The following CNGB3 variants were observed in gnomAD, a reference collection of about 807,000 sequenced individuals.
CNGB3 encodes cyclic nucleotide-gated channel beta-3.
Under a neutral mutation model 92.8 loss-of-function variants are expected in CNGB3, and 86 were observed. The ratio of observed to expected loss-of-function variants is 0.93; its 90% CI spans 0.78 to 1.11. The LOEUF is 1.11. Among genes scored for constraint, CNGB3 ranks in the 50% least tolerant of loss-of-function variants. CNGB3 has a pLI of 0.00. For synonymous variants in CNGB3, 333 were observed against 332.7 expected (o/e 1.00, Z -0.01); for missense variants, 1,026 against 956.8 (o/e 1.07, Z -0.95).
chr8:86,664,185 G>T (rs1051244772), intron 6 of CNGB3, among the ~76,000 whole-genome samples: 1 of 152,180 alleles, frequency 6.6e-6, no homozygotes, highest in African/African-American at 2.4e-5. Context: ...TTTGGCTTTT[G>T]CCTTTAGTAT....
At chr8:86,629,668 A>G (rs909171889) in intron 11 of CNGB3, among the ~76,000 whole-genome samples, 7 of 152,136 alleles carry the variant, frequency 4.6e-5, no homozygotes, top group African/African-American at 1.4e-4. Flanking sequence ...ATCAAATCTC[A>G]TCATGCTTAA....
intron 4 of CNGB3, among the ~76,000 whole-genome samples, chr8:86,670,161 T>TACAC (rs1227868117): frequency 6.6e-6 from 1 of 152,202 alleles, no homozygotes; most frequent in African/African-American, 2.4e-5. Context: ...TAATTTTTCA[T>TACAC]ACACACATTT....
At chr8:86,646,186 T>G (rs146014872) in intron 8 of CNGB3, among the ~76,000 whole-genome samples, 1 of 151,178 alleles carries the variant, frequency 6.6e-6, no homozygotes, top group Non-Finnish European at 1.5e-5. Context: ...GAAATTTCCA[T>G]GTGAGACTGA....
intron 6 of CNGB3, among the ~76,000 whole-genome samples, chr8:86,664,849 T>G (rs1486134188): frequency 2.0e-5 from 3 of 152,096 alleles, no homozygotes; most frequent in Non-Finnish European, 4.4e-5. Flanking sequence ...TGTGGCTACC[T>G]CTCTGTGGTT....
At chr8:86,693,318 A>G (rs1231794429) in intron 3 of CNGB3, among the ~76,000 whole-genome samples, 1 of 152,000 alleles carries the variant, frequency 6.6e-6, no homozygotes, top group Non-Finnish European at 1.5e-5. Flanking sequence ...TCCCTCATAT[A>G]AGTTTTCCAA....
chr8:86,726,379 C>A (rs1825060814), intron 3 of CNGB3, 152 bp downstream of exon 3: 12 of 1,087,568 alleles, frequency 1.1e-5, no homozygotes, highest in Admixed American at 1.7e-5. Context: ...CAGAACCAAC[C>A]TTTTAGTTCT....
chr8:86,661,259 A>G (rs994291330), intron 6 of CNGB3: 1 of 338,580 alleles, frequency 3.0e-6, no homozygotes, highest in African/African-American at 2.2e-5. Flanking sequence ...GCAAAAGACT[A>G]TCAGGGTCGA....
chr8:86,661,989 C>T (rs146698672), intron 6 of CNGB3: 12,314 of 447,898 alleles, frequency 0.027, 216 homozygotes, highest in Non-Finnish European at 0.04. Flanking sequence ...GTGTCTTGTC[C>T]ACAGGAGATT....
At chr8:86,734,144 C>G (rs1825206311) in intron 2 of CNGB3, among the ~76,000 whole-genome samples, 1 of 152,154 alleles carries the variant, frequency 6.6e-6, no homozygotes, top group Non-Finnish European at 1.5e-5. Flanking sequence ...AGGCATGAAC[C>G]ACCGTGCCTG....
chr8:86,667,278 G>A lies in CNGB3; in HGVS notation c.644-145C>T, dbSNP rs1823762261. The A allele has an allele frequency of 4.2e-6, 3 of 718,546 alleles. No individual in the cohort carries two copies. In the African/African-American group the frequency reaches 5.2e-5, roughly 13 times the overall value. The allele number at this position is 718,546 out of a possible 1,614,324, so 44.5% of individuals were successfully genotyped here. A position where few individuals can be genotyped will look rare whatever the true frequency, so the allele number is the denominator to read the frequency against. ...TCTATTAAACATTCAACACCATTCT[G>A]CCTCTGGACTGTGAGGCTCCGGGCT... On this transcript the variant is annotated intron_variant, in intron 5 of 17. Coordinates refer to ENST00000320005, the MANE Select transcript of CNGB3 (RefSeq NM_019098.5).
At chr8:86,645,388 C>T (rs1049426662) in intron 8 of CNGB3, among the ~76,000 whole-genome samples, 1 of 151,148 alleles carries the variant, frequency 6.6e-6, no homozygotes, top group Non-Finnish European at 1.5e-5. Flanking sequence ...AGCAAAATGC[C>T]AGTTCTATCT....
intron 3 of CNGB3, among the ~76,000 whole-genome samples, chr8:86,720,239 A>C (rs1031386123): frequency 6.6e-6 from 1 of 152,190 alleles, no homozygotes; most frequent in African/African-American, 2.4e-5. Flanking sequence ...AATCTTCACA[A>C]TCTATATATC....
chr8:86,717,600 T>C (rs1345922963), intron 3 of CNGB3, among the ~76,000 whole-genome samples: 2 of 149,956 alleles, frequency 1.3e-5, no homozygotes, highest in African/African-American at 4.9e-5. Flanking sequence ...TTTAATACTC[T>C]ACTGACAGAA....
chr8:86,614,507 G>A (rs558507633), intron 13 of CNGB3, among the ~76,000 whole-genome samples: 11 of 152,178 alleles, frequency 7.2e-5, no homozygotes, highest in African/African-American at 1.7e-4. Context: ...CCTGTGAGGC[G>A]TGCTGCCCTT....
intron 7 of CNGB3, among the ~76,000 whole-genome samples, chr8:86,652,420 A>C (rs12155947): frequency 0.9 from 136,455 of 151,938 alleles, 61,547 homozygotes; most frequent in East Asian, 1. Flanking sequence ...AATAAAGTAA[A>C]CCTAGCTCAC....
chr8:86,742,256 C>A (rs1825356039), intron 1 of CNGB3, among the ~76,000 whole-genome samples: 1 of 152,202 alleles, frequency 6.6e-6, no homozygotes, highest in Admixed American at 6.5e-5. Flanking sequence ...CACAGCAAGA[C>A]TAGCTGAAGG....
chr8:86,646,833 G>C (rs1823298404), intron 8 of CNGB3, among the ~76,000 whole-genome samples: 1 of 151,090 alleles, frequency 6.6e-6, no homozygotes, highest in African/African-American at 2.4e-5. Context: ...ATCAAATGAA[G>C]CTATGAGTTA....
intron 15 of CNGB3, chr8:86,593,763 C>A: frequency 7.7e-7 from 1 of 1,296,276 alleles, no homozygotes; most frequent in Non-Finnish European, 1.1e-6. Context: ...CTCAGGATGC[C>A]AGGGCAGTAC....
chr8:86,631,394 A>C (rs1822958211), intron 11 of CNGB3, among the ~76,000 whole-genome samples: 1 of 152,056 alleles, frequency 6.6e-6, no homozygotes, highest in South Asian at 2.1e-4. Context: ...ATACATGTTA[A>C]ATTTTACTGT....
Sources: gnomAD v4.1 joint callset for allele counts (sites outside exome capture counted in the v4.1 genomes callset) on GRCh38, gnomAD v4.1.1 for gene constraint, MANE v1.5 for transcripts, NCBI Gene and HGNC (gene_info 2026-07-23, HGNC 2026-07-21) for gene names.